Variants in DAB1 observed in about 807,000 individuals in gnomAD.
The protein encoded by DAB1 is disabled homolog 1.
Under a neutral mutation model 64.6 loss-of-function variants are expected in DAB1, and 15 were observed. That is an observed-to-expected ratio of 0.23 (90% confidence interval 0.16 to 0.36). The LOEUF is 0.36. Ranked by LOEUF, DAB1 falls within the 10% of genes least tolerant of loss-of-function variation. The probability of loss-of-function intolerance (pLI) is 1.00; values close to 1 mark genes in which losing one functional copy is unlikely to be tolerated. For synonymous variants in DAB1, 235 were observed against 251.9 expected, an observed-to-expected ratio of 0.93 and a Z score of 0.64; for missense variants, 596 against 706.7, an observed-to-expected ratio of 0.84 and a Z score of 1.78.
intron 2 of DAB1, 99 bp downstream of exon 2, chr1:57,290,865 T>A: frequency 1.6e-6 from 1 of 642,190 alleles, no homozygotes; most frequent in South Asian, 2.3e-5. Context: ...TAAAAATATA[T>A]GCAATCATAA....
At chr1:57,948,529 C>T (rs1361837080) in intron 5 of DAB1, among the ~76,000 whole-genome samples, 1 of 152,220 alleles carries the variant, frequency 6.6e-6, no homozygotes, top group African/African-American at 2.4e-5. Context: ...AGCCCTCCCC[C>T]TCACTCTCAA....
At chr1:58,521,973 C>T (rs968441068) in intron 2 of DAB1, among the ~76,000 whole-genome samples, 5 of 152,214 alleles carry the variant, frequency 3.3e-5, no homozygotes, top group African/African-American at 7.2e-5. Flanking sequence ...AAATTCTAGG[C>T]GACTATCTCC....
At chr1:57,334,462 C>T (rs540333225) in intron 1 of DAB1, among the ~76,000 whole-genome samples, 1 of 152,278 alleles carries the variant, frequency 6.6e-6, no homozygotes, top group South Asian at 2.1e-4. Context: ...CCTGATATAA[C>T]GTCTTACAGG....
At chr1:57,296,113 C>A (rs1310565290) in intron 1 of DAB1, among the ~76,000 whole-genome samples, 2 of 151,916 alleles carry the variant, frequency 1.3e-5, no homozygotes, top group African/African-American at 4.8e-5. Context: ...AAACTATTTT[C>A]GATGTTCTAT....
chr1:58,088,612 G>A (rs1251379390), intron 5 of DAB1, among the ~76,000 whole-genome samples: 1 of 152,070 alleles, frequency 6.6e-6, no homozygotes, highest in East Asian at 1.9e-4. Context: ...CACTCTACTA[G>A]GTATGAAGGG....
chr1:57,148,165 C>CT (rs1374599192), intron 2 of DAB1, among the ~76,000 whole-genome samples: 1 of 152,122 alleles, frequency 6.6e-6, no homozygotes, highest in South Asian at 2.1e-4. Flanking sequence ...AAAAAACTGT[C>CT]TATGAGTCAG....
intron 6 of DAB1, among the ~76,000 whole-genome samples, chr1:57,678,214 T>C (rs889258855): frequency 3.3e-5 from 5 of 152,040 alleles, no homozygotes; most frequent in African/African-American, 1.2e-4. Context: ...TTTACTACCA[T>C]GCTGCATTTA....
intron 7 of DAB1, among the ~76,000 whole-genome samples, chr1:57,462,025 C>T (rs1326503534): frequency 3.6e-5 from 5 of 140,694 alleles, no homozygotes; most frequent in African/African-American, 1.3e-4. Context: ...ACGATCTTGG[C>T]TCATTGCAAC....
At chr1:57,350,381 A>G (rs1011516121) in intron 1 of DAB1, among the ~76,000 whole-genome samples, 1 of 152,124 alleles carries the variant, frequency 6.6e-6, no homozygotes, top group African/African-American at 2.4e-5. Context: ...AATATCATCT[A>G]CCAACAAGAA....
intron 1 of DAB1, among the ~76,000 whole-genome samples, chr1:57,327,683 C>T (rs11207007): frequency 0.35 from 52,799 of 151,936 alleles, 10,072 homozygotes; most frequent in Non-Finnish European, 0.44. Flanking sequence ...AAAACAAATC[C>T]TATTAAGCAA....
chr1:57,439,197 C>A (rs755161120), intron 7 of DAB1, among the ~76,000 whole-genome samples: 8 of 152,014 alleles, frequency 5.3e-5, no homozygotes, highest in Non-Finnish European at 8.8e-5. Context: ...ACAGCTTAGT[C>A]TCCTAAAGGA....
chr1:58,299,724 G>C (rs1350600482), intron 4 of DAB1, among the ~76,000 whole-genome samples: 7 of 152,180 alleles, frequency 4.6e-5, no homozygotes, highest in Non-Finnish European at 1.0e-4. Context: ...TCAGGAGCCA[G>C]AGCAAGAGAC....
At chr1:58,276,343 T>G (rs1043427242) in intron 4 of DAB1, among the ~76,000 whole-genome samples, 2 of 152,208 alleles carry the variant, frequency 1.3e-5, no homozygotes, top group African/African-American at 4.8e-5. Context: ...TAAAATTTTT[T>G]TAAAGAAAAA....
intron 4 of DAB1, among the ~76,000 whole-genome samples, chr1:58,216,666 T>C (rs1347359370): frequency 6.6e-6 from 1 of 152,246 alleles, no homozygotes; most frequent in Non-Finnish European, 1.5e-5. Flanking sequence ...AGCATTCCTA[T>C]TTCTCCACAT....
intron 5 of DAB1, among the ~76,000 whole-genome samples, chr1:58,009,694 C>T (rs1382367247): frequency 6.6e-6 from 1 of 152,156 alleles, no homozygotes; most frequent in African/African-American, 2.4e-5. Context: ...CATCTGAAAG[C>T]AAGGTGTGTG....
At chr1:57,754,511 C>G (rs935458898) in intron 6 of DAB1, among the ~76,000 whole-genome samples, 4 of 151,836 alleles carry the variant, frequency 2.6e-5, no homozygotes, top group African/African-American at 9.7e-5. Flanking sequence ...GATGGTAAAA[C>G]CCCGTCTCTA....
intron 4 of DAB1, among the ~76,000 whole-genome samples, chr1:58,245,227 GC>G (rs1000552491): frequency 6.6e-6 from 1 of 152,160 alleles, no homozygotes; most frequent in Non-Finnish European, 1.5e-5. Context: ...GCTTCTGTCT[GC>G]CCCATTCAGT....
intron 4 of DAB1, among the ~76,000 whole-genome samples, chr1:58,321,567 G>A (rs1662684049): frequency 6.6e-6 from 1 of 152,254 alleles, no homozygotes; most frequent in Non-Finnish European, 1.5e-5. Flanking sequence ...CAAATACTGT[G>A]CTTTTCCAAC....
intron 3 of DAB1, among the ~76,000 whole-genome samples, chr1:58,394,897 A>G (rs975366315): frequency 2.0e-5 from 3 of 152,188 alleles, no homozygotes; most frequent in African/African-American, 7.2e-5. Context: ...TTTATTGTAC[A>G]TAAATTATAT....
Sources: allele counts gnomAD v4.1 joint callset (sites outside exome capture counted in the v4.1 genomes callset), GRCh38; gene constraint gnomAD v4.1.1; transcripts MANE v1.5; gene names NCBI Gene and HGNC (gene_info 2026-07-23, HGNC 2026-07-21).